The following INPP5D variants were observed in gnomAD, a reference collection of about 807,000 sequenced individuals.
The protein encoded by INPP5D is inositol polyphosphate-5-phosphatase D, also known as phosphatidylinositol 3,4,5-trisphosphate 5-phosphatase 1.
In INPP5D, 33 loss-of-function variants were observed where a neutral mutation model predicts 122.9. That is an observed-to-expected ratio of 0.27 (90% CI 0.20 to 0.36). The LOEUF (loss-of-function observed/expected upper bound fraction) is 0.36. Ranked by LOEUF, INPP5D falls within the 10% of genes least tolerant of loss-of-function variation. The probability of loss-of-function intolerance (pLI) is 1.00; values close to 1 mark genes in which losing one functional copy is unlikely to be tolerated. For missense variants in INPP5D, 1,053 were observed against 1,412.7 expected (o/e 0.75, Z 4.08); for synonymous variants, 584 against 576.2 (o/e 1.01, Z -0.19).
Position 233,170,183 on chromosome 2 carries a change from G to C in INPP5D, c.1791+19G>C, listed in dbSNP as rs778343936. Reference sequence around the variant, plus strand: ...TACCTGGGTAAGGGCTGCCCGCCTGGGGCTGGGGCTGGGGCTGTATGAGAT... The same window carrying C: ...TACCTGGGTAAGGGCTGCCCGCCTGCGGCTGGGGCTGGGGCTGTATGAGAT... On this transcript the variant is annotated intron_variant, in intron 15 of 26. Coordinates refer to ENST00000445964, the MANE Select transcript of INPP5D (RefSeq NM_001017915.3). The surrounding 1 kb of genome is among the most constrained non-coding windows in gnomAD (Gnocchi z 4.5). 11 of 1,607,450 alleles carry C rather than the reference G, an allele frequency of 6.8e-6. No homozygotes were observed. The highest frequency in any genetic ancestry group is 1.3e-5 in the African/African-American group (1 of 74,914).
At chr2:233,084,909 C>A (rs750484249) in intron 2 of INPP5D, among the ~76,000 whole-genome samples, 5 of 152,230 alleles carry the variant, frequency 3.3e-5, no homozygotes, top group Non-Finnish European at 5.9e-5. Flanking sequence ...TTCTAGAAGC[C>A]TGCATTTTGA....
chr2:233,116,757 T>C (rs1272784400), intron 2 of INPP5D, among the ~76,000 whole-genome samples: 1 of 151,952 alleles, frequency 6.6e-6, no homozygotes, highest in Non-Finnish European at 1.5e-5. Context: ...CCACTGCACC[T>C]GGCTAATTTT....
At chr2:233,190,677 G>A (rs1305134560) in intron 22 of INPP5D, among the ~76,000 whole-genome samples, 1 of 152,214 alleles carries the variant, frequency 6.6e-6, no homozygotes, top group Non-Finnish European at 1.5e-5. Flanking sequence ...ATCTCTGCCT[G>A]TTTGTGGCTC....
intron 1 of INPP5D, among the ~76,000 whole-genome samples, chr2:233,065,580 CTTCTTTCT>C (rs66533229): frequency 0.059 from 775 of 13,112 alleles, 103 homozygotes; most frequent in Admixed American, 0.079. Flanking sequence ...TCTTTCTTTC[CTTCTTTCT>C]TTCTTTCTTT....
intron 6 of INPP5D, among the ~76,000 whole-genome samples, chr2:233,142,056 G>A (rs1312616927): frequency 6.6e-6 from 1 of 152,236 alleles, no homozygotes; most frequent in Non-Finnish European, 1.5e-5. Context: ...TTGAGTGGAA[G>A]AACACACAGT....
At chr2:233,118,244 G>T (rs544798338) in intron 2 of INPP5D, among the ~76,000 whole-genome samples, 2 of 152,028 alleles carry the variant, frequency 1.3e-5, no homozygotes, top group African/African-American at 4.8e-5. Flanking sequence ...TCCCCCTACC[G>T]GCCACTCTGC....
rs1162821203 is a variant in INPP5D at position 233,170,216 on chromosome 2, C to T, written c.1791+52C>T. ...GCTGGGGCTGTATGAGATGGAGGCT[C>T]CCTTGAGTCAGCTTGGGGCAGGTGG... is the stretch of plus-strand genomic sequence containing the variant. On this transcript the variant is annotated intron_variant, in intron 15 of 26. Transcript: ENST00000445964. The surrounding 1 kb of genome is among the most constrained non-coding windows in gnomAD (Gnocchi z 4.5). The T allele has an allele frequency of 1.9e-6, 3 of 1,590,092 alleles. No homozygotes were observed. Among genetic ancestry groups the T allele is most frequent in the Non-Finnish European group, 2.6e-6 (3 of 1,167,584 alleles).
chr2:233,071,192 G>A (rs953973247), intron 1 of INPP5D, among the ~76,000 whole-genome samples: 3 of 152,152 alleles, frequency 2.0e-5, no homozygotes, highest in Non-Finnish European at 4.4e-5. Context: ...GGGAGGCTGA[G>A]GTGGGAGAAT....
intron 6 of INPP5D, chr2:233,145,868 T>C (rs925741452): frequency 5.2e-6 from 3 of 576,184 alleles, no homozygotes; most frequent in Non-Finnish European, 9.8e-6. Context: ...AAAGGTAACA[T>C]GCAAGGACAG....
chr2:233,185,957 A>C (rs1463893630), intron 21 of INPP5D, 32 bp downstream of exon 21: 2 of 1,561,082 alleles, frequency 1.3e-6, no homozygotes, highest in African/African-American at 1.4e-5. Flanking sequence ...CCCCAGAGGG[A>C]GATTTGCATT....
chr2:233,201,101 A>G (rs184929367), intron 25 of INPP5D, among the ~76,000 whole-genome samples: 9 of 152,308 alleles, frequency 5.9e-5, no homozygotes, highest in African/African-American at 2.2e-4. Flanking sequence ...GCCTCTGTAC[A>G]GAGTTTGTTG....
chr2:233,184,373 T>C (rs930778798), intron 19 of INPP5D, 35 bp from the exon 20 acceptor site: 2 of 1,610,862 alleles, frequency 1.2e-6, no homozygotes, highest in Non-Finnish European at 1.7e-6. Flanking sequence ...TCCAGGCACA[T>C]TGTGGAACTG....
chr2:233,162,368 T>G (rs1303743017), intron 11 of INPP5D, among the ~76,000 whole-genome samples: 2 of 84,698 alleles, frequency 2.4e-5, no homozygotes, highest in Admixed American at 2.3e-4. Flanking sequence ...ATAGACATTA[T>G]GCTGAATATA....
rs77821438 is a variant in INPP5D, at chr2:233,192,165, C to T, written c.2447-1647C>T. Among the ~76,000 whole-genome samples the T allele has an allele frequency of 2.3e-3, 349 of 152,282 alleles. 9 individuals are homozygous for T. In the East Asian group the frequency reaches 0.059, roughly 26 times the overall value. On this transcript the variant is annotated intron_variant, in intron 22 of 26. Coordinates refer to ENST00000445964, the MANE Select transcript of INPP5D (RefSeq NM_001017915.3). ...GGCCCTAATAGGGATCCCCTCGTCA[C>T]GGATGCAAGAGCATCTGAATGGCTG...
intron 1 of INPP5D, 57 bp downstream of exon 1, chr2:233,060,669 G>T (rs1053153657): frequency 1.6e-5 from 25 of 1,599,494 alleles, no homozygotes; most frequent in Non-Finnish European, 2.1e-5. Flanking sequence ...CTTAGAGGGG[G>T]CCCAGCTTTG....
At chr2:233,139,095 C>G (rs1693579351) in intron 5 of INPP5D, among the ~76,000 whole-genome samples, 2 of 151,970 alleles carry the variant, frequency 1.3e-5, no homozygotes, top group Admixed American at 1.3e-4. Flanking sequence ...TCAGAGTAAC[C>G]CAAATATCTA....
intron 25 of INPP5D, among the ~76,000 whole-genome samples, chr2:233,200,192 C>T (rs537794318): frequency 5.3e-5 from 8 of 152,290 alleles, no homozygotes; most frequent in South Asian, 2.1e-4. Context: ...GCTACGCAGC[C>T]GAGGAACAGG....
rs1291063316 is a variant in INPP5D at position 233,164,207 on chromosome 2, C to G, written c.1438-100C>G. On this transcript the variant is annotated intron_variant, in intron 12 of 26. Coordinates refer to ENST00000445964, the MANE Select transcript of INPP5D (RefSeq NM_001017915.3). The surrounding 1 kb of genome is among the most constrained non-coding windows in gnomAD (Gnocchi z 4.3). ...AGGGTTGGGATTACAGACAGGATAC[C>G]CCATACCCAGGGGCTGCGGCTGGGG... is the stretch of plus-strand genomic sequence containing the variant. 6.8e-7 allele frequency: 1 copy of G among 1,466,898 alleles called. No homozygotes were observed. The highest frequency in any genetic ancestry group is 2.5e-5 in the East Asian group (1 of 40,114). The allele number at this position is 1,466,898 out of a possible 1,614,324, so 90.9% of individuals were successfully genotyped here.
rs137981708 is a variant in INPP5D, at chr2:233,173,492, C to T, written c.1989+2340C>T. Among the ~76,000 whole-genome samples the T allele has an allele frequency of 3.8e-3, 576 of 152,002 alleles. 3 individuals are homozygous for T. The highest frequency in any genetic ancestry group is 0.013 in the African/African-American group (549 of 41,458). ...TATTTATAAACAATTTAATTTTTGA[C>T]GCTTTTGTAATAAAATGTAGCTTAA... On this transcript the variant is annotated intron_variant, in intron 17 of 26. Coordinates refer to ENST00000445964, the MANE Select transcript of INPP5D (RefSeq NM_001017915.3).
Sources: gnomAD v4.1 joint callset for allele counts (sites outside exome capture counted in the v4.1 genomes callset) on GRCh38, gnomAD v4.1.1 for gene constraint, Gnocchi (gnomAD v3.1) non-coding constraint, MANE v1.5 for transcripts, NCBI Gene and HGNC (gene_info 2026-07-23, HGNC 2026-07-21) for gene names.